The following MTMR3 variants were observed in gnomAD, a reference collection of about 807,000 sequenced individuals.
MTMR3 encodes the protein phosphatidylinositol-3,5-bisphosphate 3-phosphatase MTMR3.
Under a neutral mutation model 132.4 loss-of-function variants are expected in MTMR3, and 32 were observed. The ratio of observed to expected loss-of-function variants is 0.24; its 90% CI spans 0.18 to 0.32. The LOEUF (loss-of-function observed/expected upper bound fraction) is 0.32. Among genes scored for constraint, MTMR3 ranks in the 10% least tolerant of loss-of-function variants. The pLI, the probability that MTMR3 is intolerant of heterozygous loss-of-function variation, is 1.00. For missense variants in MTMR3, 1,216 were observed against 1,489.6 expected (o/e 0.82, Z 3.02); for synonymous variants, 556 against 550.3 (o/e 1.01, Z -0.14).
intron 7 of MTMR3, chr22:29,994,623 T>TTGTGGGTGGAAGTA (rs1439052390): frequency 1.3e-5 from 2 of 151,992 alleles, no homozygotes; most frequent in Non-Finnish European, 2.9e-5. Context: ...GTGTAGACTC[T>TTGTGGGTGGAAGTA]GAGGGGTGGA....
At chr22:29,930,872 T>C (rs1206846317) in intron 1 of MTMR3, among the ~76,000 whole-genome samples, 2 of 151,912 alleles carry the variant, frequency 1.3e-5, no homozygotes, top group Admixed American at 6.6e-5. Flanking sequence ...CTGGTCATGC[T>C]GATGCGTGTG....
At chr22:29,943,008 G>T (rs1170955515) in intron 1 of MTMR3, among the ~76,000 whole-genome samples, 1 of 152,148 alleles carries the variant, frequency 6.6e-6, no homozygotes, top group Admixed American at 6.5e-5. Flanking sequence ...ATAAGTGTCT[G>T]TGAAATCTTC....
chr22:29,937,034 A>G (rs770168665), intron 1 of MTMR3, among the ~76,000 whole-genome samples: 1 of 151,286 alleles, frequency 6.6e-6, no homozygotes, highest in African/African-American at 2.4e-5. Flanking sequence ...TTTGTCAAGC[A>G]CCCCCCTTCT....
chr22:29,971,865 CCTT>C (rs1297807892), intron 3 of MTMR3, among the ~76,000 whole-genome samples: 3 of 152,170 alleles, frequency 2.0e-5, no homozygotes, highest in African/African-American at 7.2e-5. Flanking sequence ...GTAATATTGT[CCTT>C]CTTCTACCTT....
chr22:30,027,776 A>AT lies in MTMR3; in HGVS notation c.*1981dup, dbSNP rs1471209856. 1 of 152,554 alleles carries AT rather than the reference A, an allele frequency of 6.6e-6. No homozygotes were observed. The highest frequency in any genetic ancestry group is 1.5e-5 in the Non-Finnish European group (1 of 68,010). The allele number at this position is 152,554 out of a possible 1,614,324, so 9.5% of individuals were successfully genotyped here. ...GTCAGTCAGTGCTCCTATATTTTTC[A>AT]TTTTTTGTCAAAGCAAGAAGTAAAT... is the stretch of plus-strand genomic sequence containing the variant. On this transcript the variant is annotated 3_prime_UTR_variant, in exon 20 of 20. Transcript: ENST00000401950.
intron 14 of MTMR3, chr22:30,015,502 CTCCCTCCCTCCT>C (rs1405918669): frequency 2.1e-5 from 3 of 143,520 alleles, no homozygotes; most frequent in Non-Finnish European, 3.1e-5. Context: ...CCCTCCCTCC[CTCCCTCCCTCCT>C]TCCCTCCCTC....
At chr22:29,934,383 A>G (rs749481150) in intron 1 of MTMR3, among the ~76,000 whole-genome samples, 5 of 152,168 alleles carry the variant, frequency 3.3e-5, no homozygotes, top group African/African-American at 4.8e-5. Flanking sequence ...AGCTCTGGAC[A>G]TTAAAGATGT....
At chr22:29,942,337 T>C (rs78744703) in intron 1 of MTMR3, among the ~76,000 whole-genome samples, 12,467 of 152,152 alleles carry the variant, frequency 0.082, 598 homozygotes, top group African/African-American at 0.11. Context: ...ACATGCTTCA[T>C]TTGCTTCACA....
intron 17 of MTMR3, chr22:30,021,563 A>G (rs1205492163): frequency 1.2e-5 from 2 of 162,812 alleles, no homozygotes; most frequent in East Asian, 1.8e-4. Context: ...AAAGGCGGGC[A>G]CATCCAGTGA....
intron 5 of MTMR3, chr22:29,986,415 A>G (rs2066858937): frequency 3.0e-6 from 1 of 336,146 alleles, no homozygotes; most frequent in Non-Finnish European, 4.2e-6. Context: ...TGGCCTGAGA[A>G]CAAAGCAAAG....
chr22:29,892,023 C>T (rs528692479), intron 1 of MTMR3, among the ~76,000 whole-genome samples: 12 of 151,966 alleles, frequency 7.9e-5, no homozygotes, highest in African/African-American at 2.4e-4. Context: ...CGTGGTGGCA[C>T]GCGCCTGTAG....
chr22:30,014,982 C>CT (rs1051833859), intron 14 of MTMR3: 93 of 152,346 alleles, frequency 6.1e-4, no homozygotes, highest in African/African-American at 2.1e-3. Flanking sequence ...ACTCACGTAT[C>CT]TAAGTTACTA....
intron 1 of MTMR3, among the ~76,000 whole-genome samples, chr22:29,906,250 G>A (rs373903996): frequency 3.7e-5 from 2 of 53,792 alleles, no homozygotes; most frequent in East Asian, 8.1e-4. Context: ...CCATCCGTCT[G>A]TCTGTCTGTC....
chr22:29,889,471 GA>G (rs2064749191), intron 1 of MTMR3, among the ~76,000 whole-genome samples: 1 of 151,790 alleles, frequency 6.6e-6, no homozygotes, highest in East Asian at 1.9e-4. Flanking sequence ...ATTTTTAGTA[GA>G]GACAGGGTTT....
intron 1 of MTMR3, among the ~76,000 whole-genome samples, chr22:29,914,890 A>G (rs2065280443): frequency 6.6e-6 from 1 of 152,236 alleles, no homozygotes; most frequent in Admixed American, 6.5e-5. Flanking sequence ...AATATTTTCT[A>G]ATTTCTCTTT....
At chr22:30,019,457 TC>T in intron 16 of MTMR3, 22 bp from the exon 17 acceptor site, 1 of 1,569,532 alleles carries the variant, frequency 6.4e-7, no homozygotes. Context: ...GATTTTCATT[TC>T]CCCCAAATTC....
intron 11 of MTMR3, chr22:30,008,244 C>T (rs1263220848): frequency 3.7e-6 from 2 of 542,818 alleles, no homozygotes; most frequent in African/African-American, 3.9e-5. Flanking sequence ...GTCACATAAT[C>T]TTCCTTCCTT....
chr22:29,915,929 C>T lies in MTMR3; in HGVS notation c.-138+32570C>T, dbSNP rs7291597. Among the ~76,000 whole-genome samples the T allele has an allele frequency of 4.5e-3, 681 of 152,150 alleles. 6 individuals are homozygous for T. Among genetic ancestry groups the T allele is most frequent in the African/African-American group, 0.015 (643 of 41,492 alleles). ...AGATATACTTATTTGTTCTATTTTT[C>T]TCTGTGGCTGCTCTATAGTAGATAC... is the stretch of plus-strand genomic sequence containing the variant. On this transcript the variant is annotated intron_variant, in intron 1 of 19. Transcript: ENST00000401950.
intron 7 of MTMR3, chr22:29,998,339 T>C (rs1274292229): frequency 6.6e-6 from 1 of 152,670 alleles, no homozygotes; most frequent in Non-Finnish European, 1.5e-5. Context: ...ATTTATACAA[T>C]TCTTACCTTT....
Sources: allele counts gnomAD v4.1 joint callset (sites outside exome capture counted in the v4.1 genomes callset), GRCh38; gene constraint gnomAD v4.1.1; transcripts MANE v1.5; gene names NCBI Gene and HGNC (gene_info 2026-07-23, HGNC 2026-07-21).